The following CD58 variants were observed in gnomAD, a reference collection of about 807,000 sequenced individuals.
CD58 encodes the protein lymphocyte function-associated antigen 3.
CD58 carries 14 observed loss-of-function variants against 27.6 expected under a neutral mutation model. That is an observed-to-expected ratio of 0.51 (90% CI 0.34 to 0.79). CD58 has a LOEUF of 0.79. CD58 is among the 30% of genes least tolerant of loss of function. CD58 has a pLI of 0.02. For missense variants in CD58, 268 were observed against 301.7 expected, an observed-to-expected ratio of 0.89 and a Z score of 0.83; for synonymous variants, 117 against 103.8, an observed-to-expected ratio of 1.13 and a Z score of -0.77.
chr1:116,567,509 G>A (rs999270267), intron 1 of CD58, among the ~76,000 whole-genome samples: 1 of 152,104 alleles, frequency 6.6e-6, no homozygotes, highest in African/African-American at 2.4e-5. Context: ...ATGGTGGCAT[G>A]CACCTGTAGT....
rs1400998078 is a variant in CD58 at position 116,515,962 on chromosome 1, T to G, written c.744-1140A>C. Among the ~76,000 whole-genome samples, 5 of 152,086 alleles carry G rather than the reference T, an allele frequency of 3.3e-5. No individual in the cohort carries two copies. Among genetic ancestry groups the G allele is most frequent in the Non-Finnish European group, 7.4e-5 (5 of 68,020 alleles). ...CTCGCGCAGCTGGGGAAATATTGCA[T>G]TTGTTCCTACTTATGCTTGCCCCTT... On this transcript the variant is annotated intron_variant, in intron 5 of 5. Coordinates refer to ENST00000369489, the MANE Select transcript of CD58 (RefSeq NM_001779.3). This position sits in a 1 kb window ranked among gnomAD's most constrained non-coding sequence, Gnocchi z 4.6.
At chr1:116,555,065 G>C (rs1428541920) in intron 1 of CD58, among the ~76,000 whole-genome samples, 1 of 152,060 alleles carries the variant, frequency 6.6e-6, no homozygotes, top group Non-Finnish European at 1.5e-5. Flanking sequence ...ACACAAATAG[G>C]AGCAAAGGAA....
chr1:116,541,439 A>G lies in CD58; in HGVS notation c.364+2872T>C, dbSNP rs985789355. On this transcript the variant is annotated intron_variant, in intron 2 of 5. Coordinates refer to ENST00000369489, the MANE Select transcript of CD58 (RefSeq NM_001779.3). This position sits in a 1 kb window ranked among gnomAD's most constrained non-coding sequence, Gnocchi z 5.3. ...CACATTTTAGCTTTAACAGAGTTAG[A>G]TGGGGCCATTAGAAAGTTCCACACA... is the stretch of plus-strand genomic sequence containing the variant. Among the ~76,000 whole-genome samples, 3 of 152,240 alleles carry G rather than the reference A, an allele frequency of 2.0e-5. No individual in the cohort carries two copies. The highest frequency in any genetic ancestry group is 4.1e-4 in the South Asian group (2 of 4,836).
At chr1:116,530,008 A>G (rs564902505) in intron 3 of CD58, among the ~76,000 whole-genome samples, 105 of 152,340 alleles carry the variant, frequency 6.9e-4, no homozygotes, top group African/African-American at 2.4e-3. Flanking sequence ...GTATATCTAT[A>G]TAGTATGGGT....
chr1:116,518,610 A>T, intron 5 of CD58: 1 of 941,904 alleles, frequency 1.1e-6, no homozygotes, highest in Non-Finnish European at 1.3e-6. Context: ...CTGGGCCTTA[A>T]CTCTTCCCCT....
At chr1:116,556,745 T>A (rs1238353194) in intron 1 of CD58, among the ~76,000 whole-genome samples, 1 of 152,154 alleles carries the variant, frequency 6.6e-6, no homozygotes, top group Admixed American at 6.5e-5. Context: ...AAATGACGCA[T>A]TAGACGAAGA....
At chr1:116,542,635 A>T (rs1658027935) in intron 2 of CD58, among the ~76,000 whole-genome samples, 1 of 152,242 alleles carries the variant, frequency 6.6e-6, no homozygotes, top group Non-Finnish European at 1.5e-5. Flanking sequence ...TATGCCACTT[A>T]AAATGAACCA....
chr1:116,569,801 C>T (rs569499067), intron 1 of CD58, among the ~76,000 whole-genome samples: 70 of 152,064 alleles, frequency 4.6e-4, no homozygotes, highest in Non-Finnish European at 9.0e-4. Context: ...GATCTTTCAC[C>T]GTGTTGGCCC....
At chr1:116,549,946 T>C (rs1658335217) in intron 1 of CD58, among the ~76,000 whole-genome samples, 1 of 152,218 alleles carries the variant, frequency 6.6e-6, no homozygotes, top group African/African-American at 2.4e-5. Context: ...ATGTTTACAC[T>C]ATACTGTAGT....
chr1:116,560,945 G>A (rs940533680), intron 1 of CD58, among the ~76,000 whole-genome samples: 20 of 152,200 alleles, frequency 1.3e-4, no homozygotes, highest in African/African-American at 4.3e-4. Context: ...AGAATTTAAG[G>A]GTCTGTGTCC....
chr1:116,521,745 A>C lies in CD58; in HGVS notation c.706+161T>G. The C allele has an allele frequency of 3.5e-6, 2 of 569,190 alleles. No homozygotes were observed. Among genetic ancestry groups the C allele is most frequent in the Non-Finnish European group, 6.5e-6 (2 of 307,644 alleles). 35.3% of individuals were successfully genotyped at this position (569,190 alleles called of 1,614,324 possible). ...TGAGATAATGTGGATCTTTGGAGGA[A>C]CCTAGCATGCTCAGCAGTCCCACAC... On this transcript the variant is annotated intron_variant, in intron 4 of 5. Coordinates refer to ENST00000369489, the MANE Select transcript of CD58 (RefSeq NM_001779.3). This position sits in a 1 kb window ranked among gnomAD's most constrained non-coding sequence, Gnocchi z 5.6.
In CD58 at chr1:116,534,515, C is replaced by T. The variant is rs1371746574; in HGVS notation, c.628+1450G>A. Among the ~76,000 whole-genome samples, 2 of 152,194 alleles carry T rather than the reference C, an allele frequency of 1.3e-5. No homozygotes were observed. Among genetic ancestry groups the T allele is most frequent in the Non-Finnish European group, 2.9e-5 (2 of 68,038 alleles). ...CACTCGCCGCCCTCTACGCCTCCTC[C>T]GCTGGGCCGCCGGCGAGGAAGCCGC... On this transcript the variant is annotated intron_variant, in intron 3 of 5. Coordinates refer to ENST00000369489, the MANE Select transcript of CD58 (RefSeq NM_001779.3). This position sits in a 1 kb window ranked among gnomAD's most constrained non-coding sequence, Gnocchi z 5.3.
At chr1:116,562,808 C>A (rs771141926) in intron 1 of CD58, among the ~76,000 whole-genome samples, 37 of 152,116 alleles carry the variant, frequency 2.4e-4, no homozygotes, top group Admixed American at 2.0e-4. Context: ...CCTTGACACA[C>A]GGGGATTATT....
In CD58 at chr1:116,532,169, T is replaced by A. The variant is rs1205481771; in HGVS notation, c.628+3796A>T. On this transcript the variant is annotated intron_variant, in intron 3 of 5. Coordinates refer to ENST00000369489, the MANE Select transcript of CD58 (RefSeq NM_001779.3). This position sits in a 1 kb window ranked among gnomAD's most constrained non-coding sequence, Gnocchi z 5.1. ...TCAGCCCTGGTGGCAGGAAGCAGTG[T>A]TTCTTCCGCACAGCCCTTGCTCCTG... Among the ~76,000 whole-genome samples, 1 of 152,192 alleles carries A rather than the reference T, an allele frequency of 6.6e-6. No individual in the cohort carries two copies. The highest frequency in any genetic ancestry group is 1.9e-4 in the East Asian group (1 of 5,198).
intron 1 of CD58, among the ~76,000 whole-genome samples, chr1:116,566,704 A>T (rs1036095817): frequency 4.6e-5 from 7 of 152,230 alleles, no homozygotes; most frequent in African/African-American, 1.7e-4. Context: ...CGAGCATCAA[A>T]ATGGATGACA....
At chr1:116,542,988 TGAACA>T (rs1553204608) in intron 2 of CD58, among the ~76,000 whole-genome samples, 1 of 152,144 alleles carries the variant, frequency 6.6e-6, no homozygotes, top group Non-Finnish European at 1.5e-5. Context: ...AGTGGGTAAG[TGAACA>T]GGCTAGGAAA....
rs1413217240 is a variant in CD58, at chr1:116,515,203, T to C, written c.744-381A>G. ...AAACTCCTGGGGATGGTTTTCTTCC[T>C]ACCTCAAACTTACCTTCCTGTTTAG... On this transcript the variant is annotated intron_variant, in intron 5 of 5. Coordinates refer to ENST00000369489, the MANE Select transcript of CD58 (RefSeq NM_001779.3). The surrounding 1 kb of genome is among the most constrained non-coding windows in gnomAD (Gnocchi z 4.6). Among the ~76,000 whole-genome samples the C allele has an allele frequency of 2.6e-5, 4 of 152,256 alleles. No individual in the cohort carries two copies. Among genetic ancestry groups the C allele is most frequent in the Non-Finnish European group, 5.9e-5 (4 of 68,040 alleles).
In CD58 at chr1:116,532,900, G is replaced by A. The variant is rs1383742918; in HGVS notation, c.628+3065C>T. 4.4e-6 allele frequency: 4 copies of A among 913,134 alleles called. No individual in the cohort carries two copies. Among genetic ancestry groups the A allele is most frequent in the South Asian group, 2.8e-5 (2 of 71,534 alleles). The allele number at this position is 913,134 out of a possible 1,614,324, so 56.6% of individuals were successfully genotyped here. A position where few individuals can be genotyped will look rare whatever the true frequency, so the allele number is the denominator to read the frequency against. On this transcript the variant is annotated intron_variant, in intron 3 of 5. Coordinates refer to ENST00000369489, the MANE Select transcript of CD58 (RefSeq NM_001779.3). The surrounding 1 kb of genome is among the most constrained non-coding windows in gnomAD (Gnocchi z 5.1). ...GGCCTCCCGCTACAGGCCCGGAGTC[G>A]CGACAGCCGGTCTGCCAGGCGCCCA...
In CD58 at chr1:116,514,792, G is replaced by A. The variant is rs1395233169; in HGVS notation, c.*21C>T. On this transcript the variant is annotated 3_prime_UTR_variant, in exon 6 of 6. Coordinates refer to ENST00000369489, the MANE Select transcript of CD58 (RefSeq NM_001779.3). ...TTTAAAATAATTTAGTTATGCTGTT[G>A]TCTTCATCTTCTGTTACCAATCAAT... The A allele has an allele frequency of 6.8e-7, 1 of 1,469,924 alleles. No individual in the cohort carries two copies. The highest frequency in any genetic ancestry group is 1.8e-5 in the Admixed American group (1 of 56,770). 91.1% of individuals were successfully genotyped at this position (1,469,924 alleles called of 1,614,324 possible). A position where few individuals can be genotyped will look rare whatever the true frequency, so the allele number is the denominator to read the frequency against.
Sources: gnomAD v4.1 joint callset for allele counts (sites outside exome capture counted in the v4.1 genomes callset) on GRCh38, gnomAD v4.1.1 for gene constraint, Gnocchi (gnomAD v3.1) non-coding constraint, MANE v1.5 for transcripts, NCBI Gene and HGNC (gene_info 2026-07-23, HGNC 2026-07-21) for gene names.